HHIPL1: variants seen among roughly 807,000 people sequenced by gnomAD.
HHIPL1 encodes HHIP like 1.
In HHIPL1, 43 loss-of-function variants were observed where a neutral mutation model predicts 61.8. The observed-to-expected ratio is 0.70, with a 90% CI of 0.55 to 0.90. HHIPL1 has a LOEUF of 0.90. Ranked by LOEUF, HHIPL1 falls within the 40% of genes least tolerant of loss-of-function variation. HHIPL1 has a pLI of 0.00. For synonymous variants in HHIPL1, 482 were observed against 515.8 expected, an observed-to-expected ratio of 0.93 and a Z score of 0.89; for missense variants, 1,056 against 1,157.7, an observed-to-expected ratio of 0.91 and a Z score of 1.28.
At chr14:99,611,707 T>G in the HHIPL1 span, among the ~76,000 whole-genome samples, 1 of 150,648 alleles carries the variant, frequency 6.6e-6, no homozygotes, top group East Asian at 2.0e-4. Flanking sequence ...GGATTTCAGG[T>G]GGGAGCCACC....
chr14:99,671,433 G>A (rs924708104), intron 7 of HHIPL1, among the ~76,000 whole-genome samples: 4 of 152,170 alleles, frequency 2.6e-5, no homozygotes, highest in East Asian at 3.9e-4. Flanking sequence ...TTGTGTTTCT[G>A]CAGCCTCTGG....
chr14:99,606,904 A>T, the HHIPL1 span, among the ~76,000 whole-genome samples: 1 of 152,002 alleles, frequency 6.6e-6, no homozygotes, highest in South Asian at 2.1e-4. Context: ...GGGACTCCCC[A>T]GGCCAGAGCC....
At chr14:99,637,656 C>T in the HHIPL1 span, among the ~76,000 whole-genome samples, 1 of 152,150 alleles carries the variant, frequency 6.6e-6, no homozygotes, top group Admixed American at 6.5e-5. Context: ...GATCTGTCTT[C>T]TCTGTGGAAC....
In HHIPL1 at chr14:99,663,026, G is replaced by C; in HGVS notation, c.1648+5G>C. ...CCTTCGGGGAGGACGAGGCCGGTGA[G>C]CACTCCTGAGACCTCTCCTTGCTGG... On this transcript the variant is annotated splice_donor_5th_base_variant and intron_variant, in intron 6 of 8. Coordinates refer to ENST00000330710, the MANE Select transcript of HHIPL1 (RefSeq NM_001127258.3). The C allele has an allele frequency of 1.3e-6, 2 of 1,598,238 alleles. No homozygotes were observed. The highest frequency in any genetic ancestry group is 1.7e-6 in the Non-Finnish European group (2 of 1,172,714).
At chr14:99,665,678 C>T (rs1158230790) in intron 6 of HHIPL1, among the ~76,000 whole-genome samples, 2 of 152,174 alleles carry the variant, frequency 1.3e-5, no homozygotes, top group African/African-American at 2.4e-5. Flanking sequence ...CAAGTGATCC[C>T]CTGCCTCGGC....
the HHIPL1 span, among the ~76,000 whole-genome samples, chr14:99,631,481 C>A: frequency 2.6e-5 from 4 of 152,112 alleles, no homozygotes; most frequent in African/African-American, 9.7e-5. Flanking sequence ...ACAGTCCTGG[C>A]CCCAACACCA....
At chr14:99,673,225 G>A (rs2056344546) in intron 8 of HHIPL1, among the ~76,000 whole-genome samples, 2 of 151,982 alleles carry the variant, frequency 1.3e-5, no homozygotes, top group South Asian at 4.2e-4. Context: ...TACCCGGGTA[G>A]AGGGGGAAGG....
At chr14:99,628,916 C>CA in the HHIPL1 span, among the ~76,000 whole-genome samples, 1 of 152,202 alleles carries the variant, frequency 6.6e-6, no homozygotes, top group East Asian at 1.9e-4. Flanking sequence ...TTCGAGATGC[C>CA]AAGTCCAAGC....
chr14:99,647,740 C>T (rs557531392), intron 1 of HHIPL1, among the ~76,000 whole-genome samples: 33 of 152,238 alleles, frequency 2.2e-4, no homozygotes, highest in African/African-American at 7.0e-4. Context: ...GATTTCCACA[C>T]GGGGAGGTGG....
chr14:99,647,775 C>CT (rs1595146765), intron 1 of HHIPL1, among the ~76,000 whole-genome samples: 2 of 152,158 alleles, frequency 1.3e-5, no homozygotes, highest in East Asian at 3.9e-4. Context: ...TCATAGGTCT[C>CT]TGTCAGTGTG....
the HHIPL1 span, among the ~76,000 whole-genome samples, chr14:99,620,492 C>T: frequency 6.6e-6 from 1 of 152,254 alleles, no homozygotes; most frequent in Non-Finnish European, 1.5e-5. Flanking sequence ...TGGATCCAGC[C>T]TCTGAGGGGC....
intron 1 of HHIPL1, among the ~76,000 whole-genome samples, chr14:99,648,293 T>C (rs111735232): frequency 0.011 from 1,653 of 152,264 alleles, 39 homozygotes; most frequent in African/African-American, 0.038. Context: ...ATCTTCTCCA[T>C]TTGTTCCTCC....
At chr14:99,669,113 CT>C (rs2056297246) in intron 7 of HHIPL1, 15 of 1,412,852 alleles carry the variant, frequency 1.1e-5, no homozygotes, top group Non-Finnish European at 1.3e-5. Context: ...ATCACTCAGA[CT>C]TGGTAATCCC....
intron 1 of HHIPL1, among the ~76,000 whole-genome samples, chr14:99,650,521 T>G (rs2140056825): frequency 6.6e-6 from 1 of 152,278 alleles, no homozygotes; most frequent in South Asian, 2.1e-4. Context: ...GGTGCTGTGG[T>G]GTGGGGACAC....
At chr14:99,620,442 C>T in the HHIPL1 span, among the ~76,000 whole-genome samples, 1 of 152,228 alleles carries the variant, frequency 6.6e-6, no homozygotes, top group Non-Finnish European at 1.5e-5. Context: ...TTTCTCGCTC[C>T]CCATCCCAGC....
At chr14:99,614,588 T>C in the HHIPL1 span, among the ~76,000 whole-genome samples, 1 of 152,202 alleles carries the variant, frequency 6.6e-6, no homozygotes, top group Non-Finnish European at 1.5e-5. Context: ...GACAGTGATT[T>C]AGCAGCCAGA....
chr14:99,656,866 AGGAAGGAAGGAAGGAAGGAAGGAAGGAAG>A (rs773059463), intron 2 of HHIPL1, 105 bp from the exon 3 acceptor site: 18,215 of 59,758 alleles, frequency 0.3, 5,257 homozygotes, highest in Admixed American at 0.37. Flanking sequence ...GAAGGAAGGA[AGGAAGGAAGGAAGGAAGGAAGGAAGGAAG>A]GTCTTTTCCA....
chr14:99,618,761 G>A, the HHIPL1 span, among the ~76,000 whole-genome samples: 1 of 152,264 alleles, frequency 6.6e-6, no homozygotes, highest in Non-Finnish European at 1.5e-5. Context: ...TGTGGGCACA[G>A]AGCAGGGGCT....
chr14:99,673,356 G>C (rs1390923705), intron 8 of HHIPL1, among the ~76,000 whole-genome samples: 1 of 151,310 alleles, frequency 6.6e-6, no homozygotes, highest in Non-Finnish European at 1.5e-5. Flanking sequence ...CTCCATGCTG[G>C]ATGCCAGAGC....
Sources: gnomAD v4.1 joint callset for allele counts (sites outside exome capture counted in the v4.1 genomes callset) on GRCh38, gnomAD v4.1.1 for gene constraint, MANE v1.5 for transcripts, NCBI Gene and HGNC (gene_info 2026-07-23, HGNC 2026-07-21) for gene names.